The following PCDH15 variants were observed in gnomAD, a reference collection of about 807,000 sequenced individuals.
PCDH15 encodes protocadherin-15.
PCDH15 carries 129 observed loss-of-function variants against 178.5 expected under a neutral mutation model. The ratio of observed to expected loss-of-function variants is 0.72; its 90% CI spans 0.63 to 0.84. The LOEUF is 0.84. Among genes scored for constraint, PCDH15 ranks in the 40% least tolerant of loss-of-function variants. The pLI is 0.00. For missense variants in PCDH15, 2,230 were observed against 2,099.9 expected, an observed-to-expected ratio of 1.06 and a Z score of -1.21; for synonymous variants, 800 against 732.0, an observed-to-expected ratio of 1.09 and a Z score of -1.50.
intron 27 of PCDH15, among the ~76,000 whole-genome samples, chr10:53,861,963 C>G (rs2079133733): frequency 6.6e-6 from 1 of 151,984 alleles, no homozygotes; most frequent in Non-Finnish European, 1.5e-5. Flanking sequence ...TATGTATTTT[C>G]TTTTTTAAAT....
intron 2 of PCDH15, among the ~76,000 whole-genome samples, chr10:54,903,727 C>A (rs891927044): frequency 2.6e-5 from 4 of 152,078 alleles, no homozygotes; most frequent in Non-Finnish European, 5.9e-5. Context: ...TGATTTAATG[C>A]ATTGTGCTAA....
At chr10:54,022,463 C>CAT (rs34403094) in intron 19 of PCDH15, among the ~76,000 whole-genome samples, 77,458 of 151,000 alleles carry the variant, frequency 0.51, 20,004 homozygotes, top group Middle Eastern at 0.66. Context: ...CACACAAATT[C>CAT]ATATATATAT....
chr10:54,720,656 C>A (rs1274335827), intron 1 of PCDH15, among the ~76,000 whole-genome samples: 1 of 151,944 alleles, frequency 6.6e-6, no homozygotes, highest in African/African-American at 2.4e-5. Flanking sequence ...GTACAACTTT[C>A]TTCACAACAA....
rs143259050 is a variant in PCDH15 at position 54,640,899 on chromosome 10, T to C, written c.91+23273A>G. Among the ~76,000 whole-genome samples the C allele has an allele frequency of 3.3e-3, 502 of 151,798 alleles. 1 individual carries two copies. Among genetic ancestry groups the C allele is most frequent in the African/African-American group, 0.011 (460 of 41,376 alleles). ...TAGGTGGATCACTTGAGGTCAGGAG[T>C]TGGAGACCAGCCTGGCTGACATGGT... On this transcript the variant is annotated intron_variant, in intron 2 of 37. Transcript: ENST00000644397.
chr10:54,408,798 G>T (rs1191629063), intron 3 of PCDH15, among the ~76,000 whole-genome samples: 1 of 152,162 alleles, frequency 6.6e-6, no homozygotes, highest in African/African-American at 2.4e-5. Flanking sequence ...ACAAATCGGG[G>T]TGGAAGTGCT....
At chr10:54,112,205 T>A (rs1167126539) in intron 15 of PCDH15, among the ~76,000 whole-genome samples, 1 of 152,012 alleles carries the variant, frequency 6.6e-6, no homozygotes, top group Non-Finnish European at 1.5e-5. Flanking sequence ...CTGGCGACCA[T>A]ATTCCTCTAA....
chr10:53,876,614 A>G (rs2080265843), intron 26 of PCDH15, among the ~76,000 whole-genome samples: 2 of 110,562 alleles, frequency 1.8e-5, no homozygotes. Flanking sequence ...AGGGCTATTC[A>G]AAACTTTTGC....
intron 5 of PCDH15, among the ~76,000 whole-genome samples, chr10:54,349,768 A>C (rs1943887587): frequency 1.3e-5 from 2 of 152,326 alleles, no homozygotes; most frequent in Admixed American, 6.5e-5. Flanking sequence ...AGCCTACCAA[A>C]GATTGATAAT....
chr10:54,964,031 G>A (rs1213940187), intron 2 of PCDH15, among the ~76,000 whole-genome samples: 1 of 152,166 alleles, frequency 6.6e-6, no homozygotes, highest in Non-Finnish European at 1.5e-5. Flanking sequence ...AAGAGGAGTT[G>A]GCAACAGGAA....
At chr10:54,932,424 ACT>A (rs1418837514) in intron 2 of PCDH15, among the ~76,000 whole-genome samples, 1 of 152,200 alleles carries the variant, frequency 6.6e-6, no homozygotes, top group African/African-American at 2.4e-5. Context: ...TTTTAAGCTA[ACT>A]CTCATTGCAA....
At chr10:54,111,208 A>G (rs1330560128) in intron 15 of PCDH15, among the ~76,000 whole-genome samples, 8 of 152,260 alleles carry the variant, frequency 5.3e-5, no homozygotes, top group Non-Finnish European at 1.2e-4. Flanking sequence ...CATGCAATAA[A>G]CTCTGAGGTT....
chr10:54,326,036 T>C (rs897714461), intron 7 of PCDH15, among the ~76,000 whole-genome samples: 1 of 152,162 alleles, frequency 6.6e-6, no homozygotes, highest in Non-Finnish European at 1.5e-5. Flanking sequence ...ACTATTGGTA[T>C]ATACAAAACA....
intron 23 of PCDH15, among the ~76,000 whole-genome samples, chr10:53,949,278 A>C (rs991669004): frequency 6.6e-6 from 1 of 152,272 alleles, no homozygotes; most frequent in African/African-American, 2.4e-5. Context: ...TGCCATAAAA[A>C]GACAGGAAAG....
intron 2 of PCDH15, among the ~76,000 whole-genome samples, chr10:55,357,273 AT>A (rs1365078590): frequency 6.6e-6 from 1 of 151,964 alleles, no homozygotes; most frequent in African/African-American, 2.4e-5. Context: ...TATTTAGAAT[AT>A]TTTTTAAACC....
chr10:54,172,050 C>G (rs1458638365), intron 13 of PCDH15, among the ~76,000 whole-genome samples: 6 of 151,534 alleles, frequency 4.0e-5, no homozygotes, highest in African/African-American at 9.7e-5. Flanking sequence ...ATATAAGAAG[C>G]CAGGAATGTC....
At chr10:54,202,618 G>C (rs561286044) in intron 10 of PCDH15, among the ~76,000 whole-genome samples, 2 of 151,882 alleles carry the variant, frequency 1.3e-5, no homozygotes, top group Non-Finnish European at 2.9e-5. Flanking sequence ...TTCGAGACCA[G>C]CCTGACCAAT....
intron 3 of PCDH15, among the ~76,000 whole-genome samples, chr10:54,822,801 T>G (rs2133742058): frequency 6.6e-6 from 1 of 152,154 alleles, no homozygotes; most frequent in Non-Finnish European, 1.5e-5. Context: ...CATTGTTACT[T>G]GTCTTTTTGT....
At chr10:54,052,383 C>T (rs900930077) in intron 18 of PCDH15, among the ~76,000 whole-genome samples, 1 of 152,216 alleles carries the variant, frequency 6.6e-6, no homozygotes, top group Non-Finnish European at 1.5e-5. Context: ...GTCACTCTTG[C>T]ATCAGCATGA....
At chr10:55,077,279 T>A (rs1157466083) in intron 2 of PCDH15, among the ~76,000 whole-genome samples, 1 of 152,136 alleles carries the variant, frequency 6.6e-6, no homozygotes, top group African/African-American at 2.4e-5. Flanking sequence ...CATTCAAGGT[T>A]ATTGGTATGT....
Sources: allele counts gnomAD v4.1 joint callset (sites outside exome capture counted in the v4.1 genomes callset), GRCh38; gene constraint gnomAD v4.1.1; transcripts MANE v1.5; gene names NCBI Gene and HGNC (gene_info 2026-07-23, HGNC 2026-07-21).